Variants in EPHA7 observed in about 807,000 individuals in gnomAD.
The protein encoded by EPHA7 is EPH receptor A7.
EPHA7 carries 25 observed loss-of-function variants against 112.6 expected under a neutral mutation model. The ratio of observed to expected loss-of-function variants is 0.22; its 90% confidence interval spans 0.16 to 0.31. The LOEUF (loss-of-function observed/expected upper bound fraction) is 0.31, where lower values mean the gene tolerates loss of function less well. EPHA7 is among the 10% of genes least tolerant of loss of function. The probability of loss-of-function intolerance (pLI) is 1.00; values close to 1 mark genes in which losing one functional copy is unlikely to be tolerated. For synonymous variants in EPHA7, 437 were observed against 406.5 expected (o/e 1.07, Z -0.90); for missense variants, 962 against 1,212.6 (o/e 0.79, Z 3.07).
intron 5 of EPHA7, among the ~76,000 whole-genome samples, chr6:93,318,536 T>C (rs1773917220): frequency 6.6e-6 from 1 of 152,118 alleles, no homozygotes; most frequent in Admixed American, 6.6e-5. Context: ...ATTTAAAAAA[T>C]GACCTTAATC....
intron 3 of EPHA7, among the ~76,000 whole-genome samples, chr6:93,408,780 A>G (rs1778837278): frequency 6.6e-6 from 1 of 152,142 alleles, no homozygotes; most frequent in African/African-American, 2.4e-5. Context: ...CAGTTACTCC[A>G]TTTGAAAAGT....
intron 3 of EPHA7, among the ~76,000 whole-genome samples, chr6:93,380,213 T>G (rs916990101): frequency 2.6e-5 from 4 of 152,060 alleles, no homozygotes; most frequent in Non-Finnish European, 5.9e-5. Flanking sequence ...TAATAATATC[T>G]CTCATAATTC....
At chr6:93,411,661 C>T (rs138949894) in intron 2 of EPHA7, among the ~76,000 whole-genome samples, 2 of 152,114 alleles carry the variant, frequency 1.3e-5, no homozygotes, top group East Asian at 1.9e-4. Flanking sequence ...CATTCAACAA[C>T]CTGTTGATAT....
chr6:93,384,463 C>T (rs992157404), intron 3 of EPHA7, among the ~76,000 whole-genome samples: 10 of 152,284 alleles, frequency 6.6e-5, no homozygotes, highest in African/African-American at 1.9e-4. Context: ...AAGAGTAGTA[C>T]AAATTCTTTG....
chr6:93,392,214 A>C (rs1265989319), intron 3 of EPHA7, among the ~76,000 whole-genome samples: 1 of 151,946 alleles, frequency 6.6e-6, no homozygotes, highest in Non-Finnish European at 1.5e-5. Flanking sequence ...AGGCGTAGAA[A>C]GTGAAAATCA....
At chr6:93,260,602 A>G (rs1306485061) in intron 9 of EPHA7, 1 of 966,046 alleles carries the variant, frequency 1.0e-6, no homozygotes, top group African/African-American at 1.8e-5. Flanking sequence ...ATGTCATCAC[A>G]TTAAAACTAT....
chr6:93,369,786 T>C (rs185976655), intron 3 of EPHA7, among the ~76,000 whole-genome samples: 164 of 152,310 alleles, frequency 1.1e-3, no homozygotes, highest in African/African-American at 2.3e-3. Context: ...TCTATGTTTA[T>C]TGAATGGACG....
At chr6:93,296,910 G>A (rs12199294) in intron 5 of EPHA7, among the ~76,000 whole-genome samples, 47,179 of 151,626 alleles carry the variant, frequency 0.31, 7,514 homozygotes, top group East Asian at 0.46. Context: ...ATTATACTGT[G>A]TTTGGATTCC....
At chr6:93,405,581 AT>A (rs1778654294) in intron 3 of EPHA7, among the ~76,000 whole-genome samples, 2 of 151,348 alleles carry the variant, frequency 1.3e-5, no homozygotes, top group Non-Finnish European at 3.0e-5. Flanking sequence ...TATTTTTAGG[AT>A]TTGTACATAC....
intron 3 of EPHA7, among the ~76,000 whole-genome samples, chr6:93,408,697 G>A (rs2127993184): frequency 6.6e-6 from 1 of 152,184 alleles, no homozygotes; most frequent in South Asian, 2.1e-4. Context: ...AGAGCCATAG[G>A]TACTTTACAT....
Position 93,263,929 on chromosome 6 carries a change from A to C in EPHA7, c.1743-14T>G. 6.2e-7 allele frequency: 1 copy of C among 1,603,628 alleles called. No individual in the cohort carries two copies. Among genetic ancestry groups the C allele is most frequent in the Non-Finnish European group, 8.5e-7 (1 of 1,172,672 alleles). On this transcript the variant is annotated splice_polypyrimidine_tract_variant and intron_variant, in intron 8 of 16. Coordinates refer to ENST00000369303, the MANE Select transcript of EPHA7 (RefSeq NM_004440.4). The stretch of plus-strand genomic sequence containing the variant: ...TAACCACAGTGCCTTGAAGAAAGCA[A>C]ATTTGTGACAATCTCAGTCATTTTA...
At chr6:93,356,176 A>G (rs536310756) in intron 5 of EPHA7, among the ~76,000 whole-genome samples, 1 of 151,814 alleles carries the variant, frequency 6.6e-6, no homozygotes, top group South Asian at 2.1e-4. Context: ...TATTTGTTTT[A>G]TAGCAGTCTT....
At position 93,241,831 on chromosome 6, in the gene EPHA7, A is replaced by G. The variant is rs1404836793; in HGVS notation, c.*1595T>C. The stretch of plus-strand genomic sequence containing the variant: ...GAGAAATGTGTGTACAAAACAAGAC[A>G]GTATAAATAAAATTTACAAGTTTTA... On this transcript the variant is annotated 3_prime_UTR_variant, in exon 17 of 17. Coordinates refer to ENST00000369303, the MANE Select transcript of EPHA7 (RefSeq NM_004440.4). The G allele has an allele frequency of 9.1e-6, 2 of 219,014 alleles. No homozygotes were observed. The highest frequency in any genetic ancestry group is 1.8e-5 in the Non-Finnish European group (2 of 108,756). 13.6% of individuals were successfully genotyped at this position (219,014 alleles called of 1,614,324 possible).
chr6:93,352,335 C>G (rs1021294314), intron 5 of EPHA7, among the ~76,000 whole-genome samples: 1 of 152,048 alleles, frequency 6.6e-6, no homozygotes, highest in African/African-American at 2.4e-5. Flanking sequence ...TTCTGTGCTA[C>G]GATACTTAGT....
intron 7 of EPHA7, among the ~76,000 whole-genome samples, chr6:93,267,146 A>G (rs1484621351): frequency 1.3e-5 from 2 of 151,726 alleles, no homozygotes; most frequent in Non-Finnish European, 2.9e-5. Context: ...AATTTGGTGA[A>G]TATTAATTGA....
chr6:93,248,953 A>G (rs1367382337), intron 14 of EPHA7, among the ~76,000 whole-genome samples: 1 of 152,204 alleles, frequency 6.6e-6, no homozygotes, highest in Non-Finnish European at 1.5e-5. Context: ...CTCTATATAT[A>G]CATATCCCTG....
intron 3 of EPHA7, among the ~76,000 whole-genome samples, chr6:93,377,220 C>T (rs1202071763): frequency 6.6e-6 from 1 of 152,048 alleles, no homozygotes; most frequent in African/African-American, 2.4e-5. Flanking sequence ...TGCTAAACAT[C>T]CTATATGCCT....
chr6:93,416,744 G>A (rs1352220097), intron 1 of EPHA7, among the ~76,000 whole-genome samples: 2 of 152,160 alleles, frequency 1.3e-5, no homozygotes, highest in Non-Finnish European at 2.9e-5. Context: ...GCCAGGCCTA[G>A]GACTCCAGGG....
chr6:93,347,697 T>C (rs760708032), intron 5 of EPHA7, among the ~76,000 whole-genome samples: 2 of 151,820 alleles, frequency 1.3e-5, no homozygotes, highest in Non-Finnish European at 2.9e-5. Context: ...CAGATTTCAG[T>C]TTCTGCTGAA....
Sources: allele counts gnomAD v4.1 joint callset (sites outside exome capture counted in the v4.1 genomes callset), GRCh38; gene constraint gnomAD v4.1.1; transcripts MANE v1.5; gene names NCBI Gene and HGNC (gene_info 2026-07-23, HGNC 2026-07-21).